Variants in P2RX1 observed in about 807,000 individuals in gnomAD.
P2RX1 encodes purinergic receptor P2X 1, also known as P2X purinoceptor 1.
In P2RX1, 42 loss-of-function variants were observed where a neutral mutation model predicts 50.3. The ratio of observed to expected loss-of-function variants is 0.83; its 90% confidence interval spans 0.65 to 1.08. P2RX1 has a LOEUF of 1.08. Ranked by LOEUF, P2RX1 falls within the 50% of genes least tolerant of loss-of-function variation. The probability of loss-of-function intolerance (pLI) is 0.00; values close to 1 mark genes in which losing one functional copy is unlikely to be tolerated. For missense variants in P2RX1, 449 were observed against 529.0 expected (o/e 0.85, Z 1.48); for synonymous variants, 199 against 202.6 (o/e 0.98, Z 0.15).
chr17:3,904,277 G>A (rs1445369939), intron 4 of P2RX1, 53 bp downstream of exon 4: 19 of 1,544,970 alleles, frequency 1.2e-5, no homozygotes, highest in Admixed American at 8.3e-5. Flanking sequence ...CCTGCAGGAC[G>A]TCAGGGACCG....
chr17:3,905,708 A>G (rs2056249641), intron 1 of P2RX1, among the ~76,000 whole-genome samples: 1 of 152,090 alleles, frequency 6.6e-6, no homozygotes, highest in Non-Finnish European at 1.5e-5. Flanking sequence ...TTAGCTTGGC[A>G]TGGTGGTGGG....
At chr17:3,898,173 C>T in intron 10 of P2RX1, 63 bp from the exon 11 acceptor site, 2 of 1,354,856 alleles carry the variant, frequency 1.5e-6, no homozygotes. Context: ...GAGCCCTCCA[C>T]ATCCCACCTC....
intron 1 of P2RX1, among the ~76,000 whole-genome samples, chr17:3,913,818 C>A (rs1345335084): frequency 3.9e-5 from 6 of 152,076 alleles, no homozygotes; most frequent in Non-Finnish European, 8.8e-5. Context: ...GAAAGCAAAG[C>A]CCTCCTCAGG....
At chr17:3,913,218 A>G (rs879574392) in intron 1 of P2RX1, among the ~76,000 whole-genome samples, 5 of 147,432 alleles carry the variant, frequency 3.4e-5, no homozygotes, top group South Asian at 2.1e-4. Context: ...CTCTGCCTCC[A>G]GGGTTCAAGT....
At chr17:3,908,939 T>C (rs1008548516) in intron 1 of P2RX1, among the ~76,000 whole-genome samples, 1 of 152,226 alleles carries the variant, frequency 6.6e-6, no homozygotes, top group Non-Finnish European at 1.5e-5. Flanking sequence ...AGGCGCTGCT[T>C]ATTCATTAAG....
intron 1 of P2RX1, among the ~76,000 whole-genome samples, chr17:3,912,837 C>G (rs868236429): frequency 6.6e-6 from 1 of 152,288 alleles, no homozygotes; most frequent in Middle Eastern, 3.4e-3. Flanking sequence ...ATCCTTCTCC[C>G]TGATTGGTGC....
chr17:3,915,049 G>T (rs1394347905), intron 1 of P2RX1, among the ~76,000 whole-genome samples: 1 of 152,146 alleles, frequency 6.6e-6, no homozygotes, highest in Non-Finnish European at 1.5e-5. Flanking sequence ...ACTCCATTTA[G>T]CAGTTCTGGT....
chr17:3,905,755 G>T (rs2056250415), intron 1 of P2RX1, among the ~76,000 whole-genome samples: 1 of 150,750 alleles, frequency 6.6e-6, no homozygotes, highest in Non-Finnish European at 1.5e-5. Context: ...GCTGAGGCAG[G>T]AGAATCTCTT....
rs748677909 is a variant in P2RX1 at position 3,903,929 on chromosome 17, G to A, written c.523C>T (p.Arg175Cys). ...CPVEVDDDIP[R>C]PALLREAENF... is the part of the protein sequence containing the mutation. ...CTCTCTGGAAGGTCAGAGTGTTACC[G>A]CGGGATGTCGTCATCCACCTCCACG... The change falls in exon 5 of 12, where the codon CGC becomes TGC. Residue 175 changes from arginine (R) to cysteine (C), a missense_variant and splice_region_variant. Arg to Cys is a radical substitution (Grantham distance 180, BLOSUM62 -3). Transcript: ENST00000225538. The surrounding 1 kb of genome is among the most constrained non-coding windows in gnomAD (Gnocchi z 4.6). 29 of 1,611,064 alleles carry A rather than the reference G, an allele frequency of 1.8e-5. No homozygotes were observed. Among genetic ancestry groups the A allele is most frequent in the South Asian group, 1.2e-4 (11 of 91,040 alleles).
chr17:3,905,111 TCCA>T (rs2056237771), intron 2 of P2RX1, 106 bp downstream of exon 2: 3 of 1,451,392 alleles, frequency 2.1e-6, no homozygotes, highest in Non-Finnish European at 1.9e-6. Flanking sequence ...TTCACAGAGG[TCCA>T]GAGAGAAAGA....
Position 3,916,081 on chromosome 17 carries a change from G to A in P2RX1, c.137+8C>T, listed in dbSNP as rs748724155. 17 of 1,613,102 alleles carry A rather than the reference G, an allele frequency of 1.1e-5. No individual in the cohort carries two copies. Among genetic ancestry groups the A allele is most frequent in the South Asian group, 5.5e-5 (5 of 91,086 alleles). The stretch of plus-strand genomic sequence containing the variant: ...CTGGTGCAGGCAGCGGGAGGCGCCC[G>A]GACTCACCCGATGACGTAGACCAGG... On this transcript the variant is annotated splice_region_variant and intron_variant, in intron 1 of 11. Transcript: ENST00000225538.
chr17:3,904,624 G>T, intron 3 of P2RX1: 1 of 629,408 alleles, frequency 1.6e-6, no homozygotes, highest in Non-Finnish European at 2.8e-6. Flanking sequence ...CAGCTGGGCG[G>T]TGGGGGTGGG....
chr17:3,899,484 G>T, intron 8 of P2RX1, 150 bp downstream of exon 8: 3 of 1,021,902 alleles, frequency 2.9e-6, no homozygotes, highest in African/African-American at 1.6e-5. Context: ...CTCCCTGCTG[G>T]CTTCCTGCAT....
At chr17:3,909,921 T>C (rs573299617) in intron 1 of P2RX1, among the ~76,000 whole-genome samples, 1 of 149,924 alleles carries the variant, frequency 6.7e-6, no homozygotes, top group African/African-American at 2.4e-5. Flanking sequence ...CAAACCACGC[T>C]AAGTCCAGAT....
At chr17:3,913,511 C>T (rs188351671) in intron 1 of P2RX1, among the ~76,000 whole-genome samples, 2 of 152,346 alleles carry the variant, frequency 1.3e-5, no homozygotes, top group South Asian at 2.1e-4. Context: ...CCTGCACTTG[C>T]CCAGGATCTC....
Position 3,897,323 on chromosome 17 carries a change from C to G in P2RX1, c.*491G>C, listed in dbSNP as rs957766841. The G allele has an allele frequency of 3.0e-4, 64 of 212,618 alleles. No homozygotes were observed. The highest frequency in any genetic ancestry group is 1.3e-3 in the African/African-American group (59 of 43,924). The allele number at this position is 212,618 out of a possible 1,614,324, so 13.2% of individuals were successfully genotyped here. A position where few individuals can be genotyped will look rare whatever the true frequency, so the allele number is the denominator to read the frequency against. Reference sequence around the variant, plus strand: ...GACAGTGAAAATGCCCCGAGCTGTCCAGTATGGCAGCCACTAACCACACGT... The same window carrying G: ...GACAGTGAAAATGCCCCGAGCTGTCGAGTATGGCAGCCACTAACCACACGT... On this transcript the variant is annotated 3_prime_UTR_variant, in exon 12 of 12. Transcript: ENST00000225538.
At chr17:3,902,679 C>T (rs1048648407) in intron 7 of P2RX1, among the ~76,000 whole-genome samples, 3 of 151,788 alleles carry the variant, frequency 2.0e-5, no homozygotes, top group African/African-American at 7.3e-5. Flanking sequence ...GCAATCTTAG[C>T]TCACTGCAAC....
At chr17:3,902,617 T>G (rs2056171536) in intron 7 of P2RX1, among the ~76,000 whole-genome samples, 1 of 150,938 alleles carries the variant, frequency 6.6e-6, no homozygotes, top group South Asian at 2.1e-4. Flanking sequence ...TTGTTTTTTT[T>G]TTGTTTTTGA....
chr17:3,898,827 G>A (rs2143951919), intron 9 of P2RX1, 107 bp downstream of exon 9: 1 of 935,908 alleles, frequency 1.1e-6, no homozygotes, highest in Non-Finnish European at 1.8e-6. Context: ...AAAACTGCTG[G>A]ATGAACCCAC....
Sources: allele counts gnomAD v4.1 joint callset (sites outside exome capture counted in the v4.1 genomes callset), GRCh38; gene constraint gnomAD v4.1.1; non-coding constraint Gnocchi (gnomAD v3.1); transcripts MANE v1.5; gene names NCBI Gene and HGNC (gene_info 2026-07-23, HGNC 2026-07-21).